SOX5: variants seen among roughly 807,000 people sequenced by gnomAD.
SOX5 encodes the protein SRY-box transcription factor 5, also known as transcription factor SOX-5.
In SOX5, 9 loss-of-function variants were observed where a neutral mutation model predicts 92.0. That is an observed-to-expected ratio of 0.10 (90% CI 0.06 to 0.17). SOX5 has a LOEUF of 0.17. Among genes scored for constraint, SOX5 ranks in the 10% least tolerant of loss-of-function variants. SOX5 has a pLI of 1.00. For missense variants in SOX5, 642 were observed against 944.5 expected, an observed-to-expected ratio of 0.68 and a Z score of 4.20; for synonymous variants, 344 against 336.3, an observed-to-expected ratio of 1.02 and a Z score of -0.25.
rs1022333059 is a variant in SOX5, at chr12:24,337,931, C to G, written c.-174+30632G>C. Among the ~76,000 whole-genome samples, 3 of 152,194 alleles carry G rather than the reference C, an allele frequency of 2.0e-5. No individual in the cohort carries two copies. The East Asian group carries it at 5.8e-4, about 29-fold the overall frequency. Reference sequence around the variant, plus strand: ...AATCATGGAATCACAATGTGACACACAAAATTTTTTTTGCACTAAAAGATG... The same window carrying G: ...AATCATGGAATCACAATGTGACACAGAAAATTTTTTTTGCACTAAAAGATG... On this transcript the variant is annotated intron_variant, in intron 2 of 4. Transcript: ENST00000446891.
At chr12:23,550,552 T>C (rs1944002859) in intron 11 of SOX5, among the ~76,000 whole-genome samples, 1 of 151,970 alleles carries the variant, frequency 6.6e-6, no homozygotes, top group Non-Finnish European at 1.5e-5. Flanking sequence ...TAGCCTGTTA[T>C]GATTATAAAC....
intron 1 of SOX5, among the ~76,000 whole-genome samples, chr12:24,473,494 T>C (rs1452518683): frequency 6.6e-6 from 1 of 152,258 alleles, no homozygotes; most frequent in East Asian, 1.9e-4. Flanking sequence ...TTAAGTTGAC[T>C]CTGGTGTTTT....
Position 23,665,512 on chromosome 12 carries a change from C to T in SOX5, c.863G>A (p.Arg288Gln). The part of the protein sequence containing the change: ...LMIPVFPPDQ[R>Q]TLAAAAQQGF... Reference sequence around the variant, plus strand: ...TTGCTGGGCAGCTGCAGCCAGTGTCCGTTGATCAGGAGGGAATACGGGAAT... The same window carrying T: ...TTGCTGGGCAGCTGCAGCCAGTGTCTGTTGATCAGGAGGGAATACGGGAAT... The change falls in exon 7 of 15, where the codon CGG (arginine) becomes CAG (glutamine). Residue 288 changes from arginine (R) to glutamine (Q), a missense_variant. By Grantham distance (43) the Arg-to-Gln change is conservative. Transcript: ENST00000451604. 6.2e-7 allele frequency: 1 copy of T among 1,613,444 alleles called. No individual in the cohort carries two copies. The highest frequency in any genetic ancestry group is 8.5e-7 in the Non-Finnish European group (1 of 1,179,566).
chr12:23,817,662 A>T (rs1241553988), intron 3 of SOX5, among the ~76,000 whole-genome samples: 1 of 152,224 alleles, frequency 6.6e-6, no homozygotes, highest in East Asian at 1.9e-4. Context: ...ATACATAATA[A>T]AATGTCTATC....
rs34367029 is a variant in SOX5 at position 23,979,202 on chromosome 12, G to A, written c.-1-83178C>T. Among the ~76,000 whole-genome samples the A allele has an allele frequency of 3.8e-3, 576 of 151,946 alleles. 4 individuals are homozygous for A. Among genetic ancestry groups the A allele is most frequent in the Admixed American group, 6.7e-3 (102 of 15,240 alleles). On this transcript the variant is annotated intron_variant, in intron 4 of 4. Coordinates refer to the SOX5 transcript ENST00000446891. ...AAGCTGATTCTAGGACTTTAAAATG[G>A]TAATTAATACCTGTGGGTTTTTTGT...
At chr12:23,602,300 T>C (rs2074609380) in intron 9 of SOX5, among the ~76,000 whole-genome samples, 1 of 152,186 alleles carries the variant, frequency 6.6e-6, no homozygotes, top group South Asian at 2.1e-4. Context: ...TATAGAACTA[T>C]ATAGTTCATA....
At chr12:24,358,622 A>AT (rs1955155946) in intron 2 of SOX5, among the ~76,000 whole-genome samples, 1 of 151,898 alleles carries the variant, frequency 6.6e-6, no homozygotes, top group Non-Finnish European at 1.5e-5. Context: ...AAAAAAAAAA[A>AT]AAATTGTCCT....
intron 3 of SOX5, among the ~76,000 whole-genome samples, chr12:23,842,243 A>T (rs2096527459): frequency 2.6e-5 from 4 of 152,170 alleles, no homozygotes; most frequent in African/African-American, 9.6e-5. Flanking sequence ...CTAGAACTGA[A>T]CAATTATATA....
At chr12:23,741,841 A>C (rs1241599344) in intron 4 of SOX5, among the ~76,000 whole-genome samples, 3 of 152,198 alleles carry the variant, frequency 2.0e-5, no homozygotes, top group Non-Finnish European at 2.9e-5. Flanking sequence ...CATGGTAATC[A>C]TTTAAAACAC....
At chr12:24,362,695 C>T (rs1955715971) in intron 2 of SOX5, among the ~76,000 whole-genome samples, 2 of 152,140 alleles carry the variant, frequency 1.3e-5, no homozygotes, top group Admixed American at 1.3e-4. Flanking sequence ...CACCAGGAAA[C>T]TAATATTAAC....
chr12:23,643,951 G>A (rs534760393), intron 7 of SOX5, among the ~76,000 whole-genome samples: 4 of 152,218 alleles, frequency 2.6e-5, no homozygotes, highest in African/African-American at 9.6e-5. Flanking sequence ...CCACCCTAAA[G>A]CTACTGTGCA....
intron 6 of SOX5, among the ~76,000 whole-genome samples, chr12:23,676,801 C>T (rs988746800): frequency 3.3e-5 from 5 of 152,172 alleles, no homozygotes; most frequent in Admixed American, 6.5e-5. Flanking sequence ...AGTGTTCTTA[C>T]TGTGTTCAAC....
intron 2 of SOX5, among the ~76,000 whole-genome samples, chr12:24,313,651 G>A (rs1212097227): frequency 6.6e-6 from 1 of 152,166 alleles, no homozygotes; most frequent in African/African-American, 2.4e-5. Context: ...GGACTACTTT[G>A]TGCGTATTTC....
chr12:23,832,794 G>A (rs1161977966), intron 3 of SOX5, among the ~76,000 whole-genome samples: 9 of 148,586 alleles, frequency 6.1e-5, no homozygotes, highest in Non-Finnish European at 1.0e-4. Flanking sequence ...CTCACTTTTA[G>A]GCAAAAAAAA....
intron 1 of SOX5, among the ~76,000 whole-genome samples, chr12:24,499,087 T>C (rs1947928546): frequency 6.6e-6 from 1 of 152,216 alleles, no homozygotes; most frequent in African/African-American, 2.4e-5. Context: ...AGCTCTATCA[T>C]AGTTCTCTCA....
intron 4 of SOX5, among the ~76,000 whole-genome samples, chr12:24,149,052 T>A (rs988981825): frequency 2.6e-5 from 4 of 152,146 alleles, no homozygotes; most frequent in African/African-American, 9.7e-5. Flanking sequence ...AACTTCGATC[T>A]CCACTTTGCC....
intron 4 of SOX5, among the ~76,000 whole-genome samples, chr12:24,124,744 C>A (rs1463196423): frequency 6.6e-6 from 1 of 152,116 alleles, no homozygotes; most frequent in African/African-American, 2.4e-5. Context: ...TAAAATATTT[C>A]TCAAAGATAG....
At chr12:24,332,888 G>T (rs1481179657) in intron 2 of SOX5, among the ~76,000 whole-genome samples, 1 of 152,074 alleles carries the variant, frequency 6.6e-6, no homozygotes, top group Non-Finnish European at 1.5e-5. Context: ...AATAAACATT[G>T]TAAACTGTGA....
chr12:23,583,153 T>C (rs1280370913), intron 9 of SOX5, among the ~76,000 whole-genome samples: 1 of 152,076 alleles, frequency 6.6e-6, no homozygotes, highest in Non-Finnish European at 1.5e-5. Context: ...CCATTCCTTT[T>C]TACATTTTCC....
Sources: gnomAD v4.1 joint callset for allele counts (sites outside exome capture counted in the v4.1 genomes callset) on GRCh38, gnomAD v4.1.1 for gene constraint, MANE v1.5 for transcripts, NCBI Gene and HGNC (gene_info 2026-07-23, HGNC 2026-07-21) for gene names.